UGT1A10: variants seen among roughly 807,000 people sequenced by gnomAD.
UGT1A10 encodes UDP-glucuronosyltransferase 1A10.
A neutral mutation model predicts 45.8 loss-of-function variants in UGT1A10; 49 were observed. The observed-to-expected ratio is 1.07, with a 90% CI of 0.85 to 1.36. The LOEUF is 1.36. Ranked by LOEUF, UGT1A10 falls within the 40% of genes most tolerant of loss-of-function variation. The pLI is 0.00. For missense variants in UGT1A10, 745 were observed against 668.6 expected, an observed-to-expected ratio of 1.11 and a Z score of -1.26; for synonymous variants, 284 against 249.7, an observed-to-expected ratio of 1.14 and a Z score of -1.29.
chr2:233,703,131 T>C (rs189915613), intron 1 of UGT1A10, among the ~76,000 whole-genome samples: 2 of 152,336 alleles, frequency 1.3e-5, no homozygotes, highest in East Asian at 1.9e-4. Flanking sequence ...TTACCTGTTA[T>C]GGCTTTATTT....
At chr2:233,713,653 C>T in intron 1 of UGT1A10, 2 of 1,613,962 alleles carry the variant, frequency 1.2e-6, no homozygotes, top group Non-Finnish European at 1.7e-6. Context: ...CTGGCCCTGT[C>T]CTACCTTTGC....
rs1225477134 is a variant in UGT1A10, at chr2:233,636,766, A to G, written c.244A>G (p.Thr82Ala). 12 of 1,613,910 alleles carry G rather than the reference A, an allele frequency of 7.4e-6. No individual in the cohort carries two copies. Among genetic ancestry groups the G allele is most frequent in the Non-Finnish European group, 1.0e-5 (12 of 1,180,016 alleles). The change falls in exon 1 of 5, where the codon ACT becomes GCT. Residue 82 changes from threonine to alanine, a missense_variant. Thr to Ala is a moderately conservative substitution (Grantham distance 58). Coordinates refer to ENST00000344644, the MANE Select transcript of UGT1A10 (RefSeq NM_019075.4). ...CTVKTYSTSY[T>A]LEDQNREFMV... ...AGTGAAGACTTACTCAACCTCGTAC[A>G]CTCTGGAAGATCAGAACCGGGAATT... is the stretch of plus-strand genomic sequence containing the variant.
intron 1 of UGT1A10, among the ~76,000 whole-genome samples, chr2:233,674,086 ATTATTTTGGAGGG>A (rs756903376): frequency 2.4e-3 from 368 of 152,272 alleles, no homozygotes; most frequent in Non-Finnish European, 4.6e-3. Flanking sequence ...ATCTCAGTAT[ATTATTTTGGAGGG>A]ATGGAGTATA....
intron 1 of UGT1A10, among the ~76,000 whole-genome samples, chr2:233,730,236 G>A (rs544044923): frequency 9.9e-4 from 150 of 152,270 alleles, no homozygotes; most frequent in African/African-American, 3.5e-3. Context: ...GGATGGACAA[G>A]GACTGGTGTG....
intron 1 of UGT1A10, among the ~76,000 whole-genome samples, chr2:233,737,265 G>A (rs1426808830): frequency 2.0e-5 from 3 of 152,296 alleles, no homozygotes; most frequent in East Asian, 3.9e-4. Context: ...CAGCAATGGC[G>A]GACACCCCTC....
intron 1 of UGT1A10, chr2:233,693,295 T>A (rs149122547): frequency 1.1e-4 from 175 of 1,614,020 alleles, no homozygotes; most frequent in Non-Finnish European, 1.4e-4. Context: ...TTGGAAACAA[T>A]CACTTTGCTG....
chr2:233,714,253 G>C (rs925570121), intron 1 of UGT1A10, among the ~76,000 whole-genome samples: 4 of 152,190 alleles, frequency 2.6e-5, no homozygotes, highest in African/African-American at 9.7e-5. Flanking sequence ...GGAAGGAATA[G>C]AAATTTACAA....
Position 233,701,435 on chromosome 2 carries a change from C to T in UGT1A10, c.855+64058C>T, listed in dbSNP as rs1178941993. 5.3e-5 allele frequency among the ~76,000 whole-genome samples: 8 copies of T among 152,034 alleles called. 1 individual carries two copies. Among genetic ancestry groups the T allele is most frequent in the East Asian group, 1.9e-4 (1 of 5,192 alleles). On this transcript the variant is annotated intron_variant, in intron 1 of 4. Transcript: ENST00000344644. ...CCACTGTCAACATTAGACAGATCAA[C>T]GAGACAGAAAGTTAACAAGGATACC...
At chr2:233,692,957 G>A (rs776174489) in intron 1 of UGT1A10, 1 of 1,607,062 alleles carries the variant, frequency 6.2e-7, no homozygotes, top group Non-Finnish European at 8.5e-7. Context: ...CCTGTGATTT[G>A]GAGAGTGAAA....
Position 233,769,801 on chromosome 2 carries a change from G to A in UGT1A10, c.1295+1362G>A, listed in dbSNP as rs1699941339. 2 of 1,172,742 alleles carry A rather than the reference G, an allele frequency of 1.7e-6. No individual in the cohort carries two copies. The highest frequency in any genetic ancestry group is 1.6e-5 in the African/African-American group (1 of 64,090). 72.6% of individuals were successfully genotyped at this position (1,172,742 alleles called of 1,614,324 possible). ...GCCCAGAAGTTGGAGGCTGCTATGA[G>A]CCGTGATCATGCCACTGCACTCCAG... On this transcript the variant is annotated intron_variant, in intron 4 of 4. Coordinates refer to ENST00000344644, the MANE Select transcript of UGT1A10 (RefSeq NM_019075.4). This position sits in a 1 kb window ranked among gnomAD's most constrained non-coding sequence, Gnocchi z 4.4.
chr2:233,772,283 C>T lies in UGT1A10; in HGVS notation c.1317C>T (p.Arg439=), dbSNP rs1700499600. Residue 439 remains arginine, a synonymous_variant, in exon 5 of 5, where the codon CGC becomes CGT. Coordinates refer to ENST00000344644, the MANE Select transcript of UGT1A10 (RefSeq NM_019075.4). ...TTAGTTACAAGGAGAACATCATGCG[C>T]CTCTCCAGCCTTCACAAGGACCGCC... is the stretch of plus-strand genomic sequence containing the variant. ...NDKSYKENIM[R]LSSLHKDRPV... 1 of 1,614,232 alleles carries T rather than the reference C, an allele frequency of 6.2e-7. No homozygotes were observed. The highest frequency in any genetic ancestry group is 8.5e-7 in the Non-Finnish European group (1 of 1,180,050).
intron 4 of UGT1A10, 105 bp downstream of exon 4, chr2:233,768,544 T>TA: frequency 7.0e-7 from 1 of 1,425,890 alleles, no homozygotes; most frequent in East Asian, 2.6e-5. Flanking sequence ...GTTTCAAATA[T>TA]AAAAACAAAT....
chr2:233,678,365 T>C (rs2074415003), intron 1 of UGT1A10, among the ~76,000 whole-genome samples: 1 of 152,152 alleles, frequency 6.6e-6, no homozygotes, highest in Admixed American at 6.6e-5. Flanking sequence ...ATCCTCATCA[T>C]CTTCCATTGA....
chr2:233,763,945 G>T (rs1405755046), intron 1 of UGT1A10, among the ~76,000 whole-genome samples: 1 of 152,190 alleles, frequency 6.6e-6, no homozygotes, highest in South Asian at 2.1e-4. Context: ...GGAAAGCTTG[G>T]GAGCAGGGAA....
chr2:233,772,846 T>C lies in UGT1A10; in HGVS notation c.*287T>C, dbSNP rs1314535454. ...AGGCTGGCATTCTAGATTACTTTTCTTACTCTGAAACATGGCCTGTTTGGG... is the reference window on the plus strand; with the variant it reads ...AGGCTGGCATTCTAGATTACTTTTCCTACTCTGAAACATGGCCTGTTTGGG... On this transcript the variant is annotated 3_prime_UTR_variant, in exon 5 of 5. Transcript: ENST00000344644. 2 of 808,282 alleles carry C rather than the reference T, an allele frequency of 2.5e-6. No individual in the cohort carries two copies. Among genetic ancestry groups the C allele is most frequent in the Non-Finnish European group, 3.5e-6 (2 of 570,582 alleles). 50.1% of individuals were successfully genotyped at this position (808,282 alleles called of 1,614,324 possible). A position where few individuals can be genotyped will look rare whatever the true frequency, so the allele number is the denominator to read the frequency against.
chr2:233,711,396 C>A (rs1349314535), intron 1 of UGT1A10, among the ~76,000 whole-genome samples: 1 of 152,234 alleles, frequency 6.6e-6, no homozygotes, highest in Non-Finnish European at 1.5e-5. Context: ...TGTGTTCCAC[C>A]CTCACCCCGG....
In UGT1A10 at chr2:233,692,757, G is replaced by C. The variant is rs1425174448; in HGVS notation, c.855+55380G>C. 9.3e-6 allele frequency: 11 copies of C among 1,177,646 alleles called. No homozygotes were observed. In the South Asian group the frequency reaches 1.9e-4, roughly 20 times the overall value. The allele number at this position is 1,177,646 out of a possible 1,614,324, so 72.9% of individuals were successfully genotyped here. A position where few individuals can be genotyped will look rare whatever the true frequency, so the allele number is the denominator to read the frequency against. Reference sequence around the variant, plus strand: ...AGAGAGGGAGAAGCAGACTTGTGGAGCTGAAGAGAAACACCCAGAAGCTCA... The same window carrying C: ...AGAGAGGGAGAAGCAGACTTGTGGACCTGAAGAGAAACACCCAGAAGCTCA... On this transcript the variant is annotated intron_variant, in intron 1 of 4. Coordinates refer to ENST00000344644, the MANE Select transcript of UGT1A10 (RefSeq NM_019075.4).
Position 233,636,844 on chromosome 2 carries a change from C to G in UGT1A10, c.322C>G (p.Leu108Val). Residue 108 changes from leucine to valine, a missense_variant, in exon 1 of 5, where the codon CTA (leucine) becomes GTA (valine). By Grantham distance (32) the Leu-to-Val change is conservative. Transcript: ENST00000344644. Reference sequence around the variant, plus strand: ...AGCACAGGCACAAAGTATATTTTCTCTATTAATGAGTTCATCCAGTGGTTT... The same window carrying G: ...AGCACAGGCACAAAGTATATTTTCTGTATTAATGAGTTCATCCAGTGGTTT... The part of the protein sequence containing the change: ...WKAQAQSIFS[L>V]LMSSSSGFLD... 1 of 1,614,162 alleles carries G rather than the reference C, an allele frequency of 6.2e-7. No individual in the cohort carries two copies. The highest frequency in any genetic ancestry group is 1.3e-5 in the African/African-American group (1 of 75,038).
At chr2:233,673,323 A>G (rs2074256860) in intron 1 of UGT1A10, among the ~76,000 whole-genome samples, 1 of 152,184 alleles carries the variant, frequency 6.6e-6, no homozygotes. Flanking sequence ...GACAAGTTCT[A>G]TTAATAATTG....
Sources: gnomAD v4.1 joint callset for allele counts (sites outside exome capture counted in the v4.1 genomes callset) on GRCh38, gnomAD v4.1.1 for gene constraint, Gnocchi (gnomAD v3.1) non-coding constraint, MANE v1.5 for transcripts, NCBI Gene and HGNC (gene_info 2026-07-23, HGNC 2026-07-21) for gene names.